The following LRFN5 variants were observed in gnomAD, a reference collection of about 807,000 sequenced individuals.
LRFN5 encodes the protein leucine rich repeat and fibronectin type III domain containing 5.
In LRFN5, 24 loss-of-function variants were observed where a neutral mutation model predicts 45.6. That is an observed-to-expected ratio of 0.53 (90% CI 0.38 to 0.74). The LOEUF is 0.74. LRFN5 is among the 30% of genes least tolerant of loss of function. The pLI, the probability that LRFN5 is intolerant of heterozygous loss-of-function variation, is 0.00. For missense variants in LRFN5, 776 were observed against 861.5 expected, an observed-to-expected ratio of 0.90 and a Z score of 1.24; for synonymous variants, 340 against 313.8, an observed-to-expected ratio of 1.08 and a Z score of -0.88.
At chr14:41,668,582 A>C (rs1881018093) in intron 1 of LRFN5, among the ~76,000 whole-genome samples, 1 of 152,164 alleles carries the variant, frequency 6.6e-6, no homozygotes, top group Non-Finnish European at 1.5e-5. Context: ...TTAATTACAC[A>C]TGCTGTTATG....
At chr14:41,852,115 G>A (rs943654132) in intron 2 of LRFN5, among the ~76,000 whole-genome samples, 6 of 151,684 alleles carry the variant, frequency 4.0e-5, no homozygotes, top group African/African-American at 1.5e-4. Context: ...TACTATAAAT[G>A]ATCATAATTA....
intron 1 of LRFN5, among the ~76,000 whole-genome samples, chr14:41,667,247 A>G (rs1880945168): frequency 6.6e-6 from 1 of 152,142 alleles, no homozygotes; most frequent in African/African-American, 2.4e-5. Flanking sequence ...TCCTCACGCT[A>G]CATTCCTGAA....
At chr14:41,699,640 C>T (rs1882756160) in intron 1 of LRFN5, 1 of 152,096 alleles carries the variant, frequency 6.6e-6, no homozygotes, top group Non-Finnish European at 1.5e-5. Flanking sequence ...TAAAACTCCA[C>T]ATGCTTCACA....
chr14:41,615,608 C>T (rs2138546231), intron 1 of LRFN5, among the ~76,000 whole-genome samples: 1 of 152,170 alleles, frequency 6.6e-6, no homozygotes, highest in Non-Finnish European at 1.5e-5. Context: ...CGTGGGTAGA[C>T]TACTGTCGAG....
In LRFN5 at chr14:41,825,678, C is replaced by T. The variant is rs148038829; in HGVS notation, c.-21+58649C>T. Among the ~76,000 whole-genome samples the T allele has an allele frequency of 7.8e-3, 1,183 of 152,266 alleles. 9 individuals are homozygous for T. Among genetic ancestry groups the T allele is most frequent in the Non-Finnish European group, 0.011 (738 of 68,022 alleles). Reference sequence around the variant, plus strand: ...TATGAATACATTAGGGCTGAGATTTCCTGGGCATGACAGTGGTCCATAATG... The same window carrying T: ...TATGAATACATTAGGGCTGAGATTTTCTGGGCATGACAGTGGTCCATAATG... On this transcript the variant is annotated intron_variant, in intron 2 of 5. Coordinates refer to ENST00000298119, the MANE Select transcript of LRFN5 (RefSeq NM_152447.5).
At chr14:41,690,759 A>G (rs1483248923) in intron 1 of LRFN5, among the ~76,000 whole-genome samples, 3 of 152,176 alleles carry the variant, frequency 2.0e-5, no homozygotes, top group Non-Finnish European at 2.9e-5. Context: ...TCTTTAATTT[A>G]GCACTGTATT....
intron 5 of LRFN5, 116 bp from the exon 6 acceptor site, chr14:41,904,042 T>G (rs999734610): frequency 1.2e-5 from 10 of 805,684 alleles, no homozygotes; most frequent in Non-Finnish European, 2.0e-5. Flanking sequence ...AACTCCTCCT[T>G]GGGTGCTTAC....
At chr14:41,727,796 T>A (rs556328445) in intron 1 of LRFN5, among the ~76,000 whole-genome samples, 2 of 152,160 alleles carry the variant, frequency 1.3e-5, no homozygotes, top group Non-Finnish European at 2.9e-5. Context: ...GGCAGTACCT[T>A]TGGCTGTATA....
At chr14:41,638,067 A>G (rs1879386881) in intron 1 of LRFN5, among the ~76,000 whole-genome samples, 1 of 152,118 alleles carries the variant, frequency 6.6e-6, no homozygotes. Flanking sequence ...ACTAACCACA[A>G]GACAGCTGTG....
chr14:41,874,686 A>T (rs1283947765), intron 2 of LRFN5, among the ~76,000 whole-genome samples: 1 of 152,234 alleles, frequency 6.6e-6, no homozygotes, highest in African/African-American at 2.4e-5. Context: ...CAAAGTGGAT[A>T]ATCAAATTAT....
chr14:41,897,690 C>A (rs1890984712), intron 4 of LRFN5, among the ~76,000 whole-genome samples: 1 of 151,902 alleles, frequency 6.6e-6, no homozygotes, highest in Non-Finnish European at 1.5e-5. Flanking sequence ...ATATAAAGTA[C>A]AAATTTAATT....
chr14:41,753,878 A>G (rs1301606563), intron 1 of LRFN5, among the ~76,000 whole-genome samples: 1 of 152,080 alleles, frequency 6.6e-6, no homozygotes, highest in Admixed American at 6.5e-5. Context: ...GTTTTTGCCC[A>G]TTCAGTATAT....
intron 1 of LRFN5, among the ~76,000 whole-genome samples, chr14:41,685,978 A>G (rs1376097255): frequency 6.6e-6 from 1 of 152,070 alleles, no homozygotes; most frequent in African/African-American, 2.4e-5. Context: ...CGAAATTTAA[A>G]ATAGTTTTTT....
chr14:41,747,682 AT>A (rs1884976762), intron 1 of LRFN5, among the ~76,000 whole-genome samples: 1 of 152,036 alleles, frequency 6.6e-6, no homozygotes, highest in African/African-American at 2.4e-5. Flanking sequence ...AATCATGAAC[AT>A]TTTTTAAAGT....
chr14:41,714,998 A>G (rs769732460), intron 1 of LRFN5, among the ~76,000 whole-genome samples: 8 of 152,212 alleles, frequency 5.3e-5, no homozygotes, highest in African/African-American at 1.4e-4. Flanking sequence ...TGAAAAAAAC[A>G]TAGAATGTTA....
intron 2 of LRFN5, among the ~76,000 whole-genome samples, chr14:41,873,894 T>A (rs1400274275): frequency 6.6e-6 from 1 of 152,108 alleles, no homozygotes; most frequent in African/African-American, 2.4e-5. Flanking sequence ...TTAAATACCC[T>A]AGGGAAACTG....
chr14:41,675,298 T>C (rs1594606235), intron 1 of LRFN5, among the ~76,000 whole-genome samples: 1 of 152,208 alleles, frequency 6.6e-6, no homozygotes. Context: ...GCCACTGTGC[T>C]CCAGTCTGGG....
At chr14:41,734,299 C>T (rs1465245730) in intron 1 of LRFN5, among the ~76,000 whole-genome samples, 12 of 44,062 alleles carry the variant, frequency 2.7e-4, no homozygotes, top group African/African-American at 6.4e-4. Flanking sequence ...GCGTGAGCCA[C>T]CTTTCCTGGA....
At position 41,726,458 on chromosome 14, in the gene LRFN5, A is replaced by T. The variant is rs550013013; in HGVS notation, c.-196-40396A>T. Among the ~76,000 whole-genome samples the T allele has an allele frequency of 2.0e-5, 3 of 152,274 alleles. No individual in the cohort carries two copies. The East Asian group carries it at 5.8e-4, about 29-fold the overall frequency. ...TAACACCCATGCATCCTTCCAGGATATTCTACAAATAATAACTAAACTAAA... is the reference window on the plus strand; with the variant it reads ...TAACACCCATGCATCCTTCCAGGATTTTCTACAAATAATAACTAAACTAAA... On this transcript the variant is annotated intron_variant, in intron 1 of 5. Transcript: ENST00000298119.
Sources: allele counts gnomAD v4.1 joint callset (sites outside exome capture counted in the v4.1 genomes callset), GRCh38; gene constraint gnomAD v4.1.1; transcripts MANE v1.5; gene names NCBI Gene and HGNC (gene_info 2026-07-23, HGNC 2026-07-21).